Variants in SMAD2 observed in about 807,000 individuals in gnomAD.
SMAD2 encodes MAD homolog 2.
In SMAD2, 8 loss-of-function variants were observed where a neutral mutation model predicts 64.4. That is an observed-to-expected ratio of 0.12 (90% CI 0.07 to 0.22). The LOEUF is 0.22. Among genes scored for constraint, SMAD2 ranks in the 10% least tolerant of loss-of-function variants. SMAD2 has a pLI of 1.00. For missense variants in SMAD2, 289 were observed against 561.2 expected (o/e 0.51, Z 4.90); for synonymous variants, 203 against 195.8 (o/e 1.04, Z -0.31).
chr18:47,862,094 C>CA (rs979865352), intron 6 of SMAD2, among the ~76,000 whole-genome samples: 15 of 152,078 alleles, frequency 9.9e-5, no homozygotes, highest in African/African-American at 3.6e-4. Context: ...TCTAGGAGTA[C>CA]AAAAAACTAG....
intron 6 of SMAD2, among the ~76,000 whole-genome samples, chr18:47,859,424 C>A (rs2030991536): frequency 6.6e-6 from 1 of 152,108 alleles, no homozygotes; most frequent in African/African-American, 2.4e-5. Context: ...CAAGTTATAG[C>A]ATAAAATAAT....
intron 2 of SMAD2, among the ~76,000 whole-genome samples, chr18:47,890,546 AT>A (rs2033142010): frequency 6.6e-6 from 1 of 152,188 alleles, no homozygotes; most frequent in East Asian, 1.9e-4. Context: ...TATGAAGCTC[AT>A]TTACATTATT....
rs1913529046 is a variant in SMAD2 at position 47,837,544 on chromosome 18, A to G, written c.*4283T>C. 2 of 215,082 alleles carry G rather than the reference A, an allele frequency of 9.3e-6. No individual in the cohort carries two copies. Among genetic ancestry groups the G allele is most frequent in the African/African-American group, 4.8e-5 (2 of 41,408 alleles). The allele number at this position is 215,082 out of a possible 1,614,324, so 13.3% of individuals were successfully genotyped here. ...ACCACTGCACTCCAGGTTGGGCAACAGAGCGAGACTCCCTCTCAAAAAAAA... is the reference window on the plus strand; with the variant it reads ...ACCACTGCACTCCAGGTTGGGCAACGGAGCGAGACTCCCTCTCAAAAAAAA... On this transcript the variant is annotated 3_prime_UTR_variant, in exon 11 of 11. Coordinates refer to ENST00000262160, the MANE Select transcript of SMAD2 (RefSeq NM_005901.6).
chr18:47,924,203 G>A (rs1001993121), intron 1 of SMAD2, among the ~76,000 whole-genome samples: 4 of 138,654 alleles, frequency 2.9e-5, no homozygotes, highest in Non-Finnish European at 6.0e-5. Flanking sequence ...AGCCAAGATC[G>A]CACCACTGCA....
Position 47,832,538 on chromosome 18 carries a change from G to GA in SMAD2, c.*9288dup, listed in dbSNP as rs1327304854. 8.5e-5 allele frequency: 13 copies of GA among 152,114 alleles called. No individual in the cohort carries two copies. Among genetic ancestry groups the GA allele is most frequent in the Non-Finnish European group, 1.3e-4 (9 of 68,010 alleles). 9.4% of individuals were successfully genotyped at this position (152,114 alleles called of 1,614,324 possible). A position where few individuals can be genotyped will look rare whatever the true frequency, so the allele number is the denominator to read the frequency against. Reference sequence around the variant, plus strand: ...TAAAGCATGTTTAAAATGGTTTGCAGAAAACAGTCTGCTAACCAGTACTGA... The same window carrying GA: ...TAAAGCATGTTTAAAATGGTTTGCAGAAAAACAGTCTGCTAACCAGTACTGA... On this transcript the variant is annotated 3_prime_UTR_variant, in exon 11 of 11. Transcript: ENST00000262160.
At chr18:47,847,688 A>G (rs1362882442) in intron 8 of SMAD2, among the ~76,000 whole-genome samples, 2 of 142,620 alleles carry the variant, frequency 1.4e-5, no homozygotes, top group Non-Finnish European at 3.0e-5. Context: ...AAAAACAACT[A>G]TATTTCCAAA....
rs117142848 is a variant in SMAD2, at chr18:47,876,473, G to C, written c.237-5909C>G. The stretch of plus-strand genomic sequence containing the variant: ...TCTTTGCATGGAACAGTTTCTTAAA[G>C]ACAGATTATCCCCCATCAACTGTGT... On this transcript the variant is annotated intron_variant, in intron 2 of 10. Transcript: ENST00000262160. 1.8e-3 allele frequency among the ~76,000 whole-genome samples: 281 copies of C among 152,088 alleles called. 7 individuals carry two copies. The East Asian group carries it at 0.048, about 26-fold the overall frequency.
chr18:47,892,836 G>T (rs1007582442), intron 2 of SMAD2, among the ~76,000 whole-genome samples: 1 of 152,084 alleles, frequency 6.6e-6, no homozygotes, highest in Admixed American at 6.6e-5. Flanking sequence ...ACCACCTTAG[G>T]AAAGTCCTTT....
At chr18:47,847,079 C>G (rs1321467427) in intron 8 of SMAD2, among the ~76,000 whole-genome samples, 3 of 152,036 alleles carry the variant, frequency 2.0e-5, no homozygotes, top group Non-Finnish European at 4.4e-5. Flanking sequence ...TTAAAAAAAT[C>G]CAATAACGAC....
Position 47,868,352 on chromosome 18 carries a change from C to T in SMAD2, c.626G>A (p.Gly209Glu). The T allele has an allele frequency of 6.2e-7, 1 of 1,612,934 alleles. No homozygotes were observed. ...SIPENTNFPA[G>E]IEPQSNYIPE... ...AATATAATTACTCTGTGGCTCAATT[C>T]CTGCTGGGAAGTTAGTGTTTTCTGG... The change falls in exon 5 of 11, where the codon GGA becomes GAA. Residue 209 changes from glycine to glutamate, a missense_variant. Transcript: ENST00000262160.
At chr18:47,924,140 C>A (rs1037267640) in intron 1 of SMAD2, among the ~76,000 whole-genome samples, 3 of 150,582 alleles carry the variant, frequency 2.0e-5, no homozygotes, top group Non-Finnish European at 4.4e-5. Context: ...CCTAGCTACT[C>A]AGGAGGCTGA....
At chr18:47,922,887 C>T (rs2034617863) in intron 1 of SMAD2, among the ~76,000 whole-genome samples, 1 of 152,188 alleles carries the variant, frequency 6.6e-6, no homozygotes, top group African/African-American at 2.4e-5. Flanking sequence ...GGTCGGCCCC[C>T]ATGGAGAATG....
chr18:47,862,902 A>C (rs1598791683), intron 6 of SMAD2, among the ~76,000 whole-genome samples: 2 of 152,288 alleles, frequency 1.3e-5, no homozygotes, highest in Non-Finnish European at 2.9e-5. Context: ...AGGTTAATCG[A>C]ACTTATAAAT....
chr18:47,890,754 AC>A (rs2033150718), intron 2 of SMAD2, among the ~76,000 whole-genome samples: 1 of 152,218 alleles, frequency 6.6e-6, no homozygotes, highest in African/African-American at 2.4e-5. Flanking sequence ...ATATTACGAT[AC>A]AGACAGACAC....
At chr18:47,870,361 T>G in intron 3 of SMAD2, 114 bp downstream of exon 3, 1 of 759,382 alleles carries the variant, frequency 1.3e-6, no homozygotes, top group Non-Finnish European at 2.4e-6. Flanking sequence ...TGCCTTATTT[T>G]ACATTAAGGA....
At chr18:47,846,509 A>T (rs1362942669) in intron 8 of SMAD2, among the ~76,000 whole-genome samples, 2 of 152,230 alleles carry the variant, frequency 1.3e-5, no homozygotes, top group Non-Finnish European at 2.9e-5. Context: ...TAATTAAGGC[A>T]GCAAATCAGT....
In SMAD2 at chr18:47,869,343, A is replaced by G. The variant is rs539035008; in HGVS notation, c.420T>C (p.His140=). 9 of 1,613,710 alleles carry G rather than the reference A, an allele frequency of 5.6e-6. No homozygotes were observed. In the Admixed American group the frequency reaches 1.2e-4, roughly 21 times the overall value. The part of the protein sequence containing the change: ...RLWRWPDLHS[H]HELKAIENCE... The stretch of plus-strand genomic sequence containing the variant: ...AGTTTTCAATTGCCTTGAGTTCATG[A>G]TGACTGTGAAGATCAGGCCAGCGCC... The change falls in exon 4 of 11, where the codon CAT becomes CAC. Residue 140 remains histidine, a synonymous_variant. Transcript: ENST00000262160.
intron 1 of SMAD2, among the ~76,000 whole-genome samples, chr18:47,928,381 T>C (rs944314349): frequency 2.0e-5 from 3 of 152,188 alleles, no homozygotes; most frequent in African/African-American, 7.2e-5. Context: ...CATTGACATA[T>C]ATTCCCCCAA....
At chr18:47,874,120 G>A (rs932244709) in intron 2 of SMAD2, among the ~76,000 whole-genome samples, 1 of 152,134 alleles carries the variant, frequency 6.6e-6, no homozygotes, top group African/African-American at 2.4e-5. Flanking sequence ...ATTCCCTAAT[G>A]ATTGTTGCCT....
Sources: gnomAD v4.1 joint callset for allele counts (sites outside exome capture counted in the v4.1 genomes callset) on GRCh38, gnomAD v4.1.1 for gene constraint, MANE v1.5 for transcripts, NCBI Gene and HGNC (gene_info 2026-07-23, HGNC 2026-07-21) for gene names.